Variants in MAPK10 observed in about 807,000 individuals in gnomAD.
MAPK10 encodes JNK3 alpha protein kinase.
Under a neutral mutation model 59.3 loss-of-function variants are expected in MAPK10, and 25 were observed. The ratio of observed to expected loss-of-function variants is 0.42; its 90% CI spans 0.31 to 0.59. The LOEUF is 0.59. MAPK10 is among the 20% of genes least tolerant of loss of function. The pLI, the probability that MAPK10 is intolerant of heterozygous loss-of-function variation, is 0.15. For missense variants in MAPK10, 351 were observed against 568.9 expected, an observed-to-expected ratio of 0.62 and a Z score of 3.90; for synonymous variants, 190 against 200.5, an observed-to-expected ratio of 0.95 and a Z score of 0.44.
chr4:86,511,899 A>T lies in MAPK10; in HGVS notation c.-263+82011T>A, dbSNP rs148542158. ...AGGAAGGAAAGAAGGAAGAAAGGAGAAGAATGAGGAGGAAGGAAAAAGAAG... is the reference window on the plus strand; with the variant it reads ...AGGAAGGAAAGAAGGAAGAAAGGAGTAGAATGAGGAGGAAGGAAAAAGAAG... On this transcript the variant is annotated intron_variant, in intron 1 of 4. Coordinates refer to the MAPK10 transcript ENST00000502302. 7.1e-3 allele frequency among the ~76,000 whole-genome samples: 1,074 copies of T among 151,698 alleles called. 12 individuals carry two copies. Among genetic ancestry groups the T allele is most frequent in the African/African-American group, 0.024 (996 of 41,362 alleles).
intron 9 of MAPK10, among the ~76,000 whole-genome samples, chr4:86,085,878 G>A (rs2051700964): frequency 6.6e-6 from 1 of 152,122 alleles, no homozygotes; most frequent in Non-Finnish European, 1.5e-5. Flanking sequence ...TAAAGAAAAT[G>A]TGGTACATTT....
At chr4:86,456,990 G>A (rs547868648), upstream of MAPK10, among the ~76,000 whole-genome samples, 2 of 152,228 alleles carry the variant, frequency 1.3e-5, no homozygotes, top group East Asian at 3.9e-4. Context: ...CAGGGATGCA[G>A]GGATGGTTTA....
intron 1 of MAPK10, among the ~76,000 whole-genome samples, chr4:86,515,147 A>G (rs1401219977): frequency 6.6e-6 from 1 of 152,210 alleles, no homozygotes; most frequent in East Asian, 1.9e-4. Context: ...ATGGTCTCCA[A>G]TTCCAACCAT....
intron 1 of MAPK10, among the ~76,000 whole-genome samples, chr4:86,593,241 TC>T (rs1221175488): frequency 6.6e-6 from 1 of 152,194 alleles, no homozygotes; most frequent in Non-Finnish European, 1.5e-5. Context: ...CAAATAAGCC[TC>T]AGATCTCTCC....
intron 1 of MAPK10, among the ~76,000 whole-genome samples, chr4:86,501,701 C>CACA (rs1554274242): frequency 2.7e-4 from 41 of 152,010 alleles, no homozygotes; most frequent in Admixed American, 1.1e-3. Context: ...CACACACACA[C>CACA]ACTACTGTGC....
At chr4:86,181,157 G>A (rs1005440683) in intron 3 of MAPK10, among the ~76,000 whole-genome samples, 1 of 151,874 alleles carries the variant, frequency 6.6e-6, no homozygotes, top group South Asian at 2.1e-4. Flanking sequence ...ATTTTTAAAT[G>A]GGATGGATAT....
intron 1 of MAPK10, among the ~76,000 whole-genome samples, chr4:86,467,220 T>A (rs920555377): frequency 2.6e-5 from 4 of 152,174 alleles, no homozygotes; most frequent in African/African-American, 9.7e-5. Flanking sequence ...CCAAACCAAA[T>A]CAGAATGGAG....
intron 1 of MAPK10, among the ~76,000 whole-genome samples, chr4:86,388,706 T>A (rs1014893397): frequency 1.3e-5 from 2 of 152,168 alleles, no homozygotes; most frequent in Non-Finnish European, 2.9e-5. Flanking sequence ...TCCAAATCAC[T>A]TTATGTAACC....
intron 1 of MAPK10, among the ~76,000 whole-genome samples, chr4:86,374,754 A>C (rs2148996161): frequency 6.6e-6 from 1 of 152,332 alleles, no homozygotes; most frequent in South Asian, 2.1e-4. Context: ...TAAGAGACAA[A>C]TTCTGAGTTT....
chr4:86,054,650 T>A (rs2044205419), intron 11 of MAPK10, among the ~76,000 whole-genome samples: 1 of 152,194 alleles, frequency 6.6e-6, no homozygotes, highest in Non-Finnish European at 1.5e-5. Flanking sequence ...CAGATTCATA[T>A]CCATTGTAGC....
rs560165249 is a variant in MAPK10 at position 86,371,847 on chromosome 4, G to A, written c.-121-17203C>T. Among the ~76,000 whole-genome samples, 74 of 152,250 alleles carry A rather than the reference G, an allele frequency of 4.9e-4. 2 individuals carry two copies. The highest frequency in any genetic ancestry group is 2.1e-3 in the Admixed American group (32 of 15,296). ...AAGAGAACATGCCATGAGGAACGGT[G>A]CATTCCAGCACAGATAATATGCTTT... On this transcript the variant is annotated intron_variant, in intron 1 of 13. Coordinates refer to the MAPK10 transcript ENST00000361569.
intron 1 of MAPK10, among the ~76,000 whole-genome samples, chr4:86,420,903 G>A (rs1467674705): frequency 2.0e-5 from 3 of 152,032 alleles, no homozygotes; most frequent in African/African-American, 7.2e-5. Context: ...CCAACAAGGG[G>A]AAACCCCATC....
At position 86,359,929 on chromosome 4, in the gene MAPK10, C is replaced by A. The variant is rs1030662206; in HGVS notation, c.-393G>T. ...AAAGGTAAGCATATAGCAAGCACCA[C>A]CCACCCCCATAAAAATAAAAAGTGA... On this transcript the variant is annotated 5_prime_UTR_variant, in exon 1 of 14. Coordinates refer to ENST00000641462, the MANE Select transcript of MAPK10 (RefSeq NM_138982.4). The A allele has an allele frequency of 2.0e-6, 2 of 985,476 alleles. No homozygotes were observed. The highest frequency in any genetic ancestry group is 3.5e-5 in the African/African-American group (2 of 57,152). The allele number at this position is 985,476 out of a possible 1,614,324, so 61.0% of individuals were successfully genotyped here. A position where few individuals can be genotyped will look rare whatever the true frequency, so the allele number is the denominator to read the frequency against.
intron 1 of MAPK10, among the ~76,000 whole-genome samples, chr4:86,512,222 C>G (rs184050773): frequency 6.6e-6 from 1 of 152,102 alleles, no homozygotes; most frequent in Non-Finnish European, 1.5e-5. Context: ...ACTTTTTCTT[C>G]TTACTTGATC....
At chr4:86,107,091 G>T in intron 5 of MAPK10, 132 bp downstream of exon 5, 1 of 648,458 alleles carries the variant, frequency 1.5e-6, no homozygotes. Context: ...GTAGCATATT[G>T]GCAGGATAAA....
At chr4:86,548,092 T>C (rs1759397298) in intron 1 of MAPK10, among the ~76,000 whole-genome samples, 2 of 152,150 alleles carry the variant, frequency 1.3e-5, no homozygotes. Context: ...CAATAAATCT[T>C]GCTGCTGCTC....
intron 1 of MAPK10, among the ~76,000 whole-genome samples, chr4:86,481,291 G>A (rs574938287): frequency 6.6e-6 from 1 of 152,124 alleles, no homozygotes; most frequent in African/African-American, 2.4e-5. Context: ...GAAAATCAGA[G>A]AGACCTTGCT....
At position 86,401,618 on chromosome 4, in the gene MAPK10, T is replaced by C. The variant is rs544361219; in HGVS notation, c.-121-46974A>G. ...TTACTTTGGCCACCTGGAAGCTTAATGTATGACTCAAATTCACTGCAGACA... is the reference window on the plus strand; with the variant it reads ...TTACTTTGGCCACCTGGAAGCTTAACGTATGACTCAAATTCACTGCAGACA... On this transcript the variant is annotated intron_variant, in intron 1 of 13. Coordinates refer to the MAPK10 transcript ENST00000361569. Among the ~76,000 whole-genome samples the C allele has an allele frequency of 2.6e-5, 4 of 152,328 alleles. No homozygotes were observed. In the East Asian group the frequency reaches 7.7e-4, roughly 29 times the overall value.
intron 2 of MAPK10, among the ~76,000 whole-genome samples, chr4:86,235,956 C>T (rs1199456794): frequency 1.3e-5 from 2 of 152,128 alleles, no homozygotes; most frequent in Non-Finnish European, 2.9e-5. Flanking sequence ...GGGCTAAAGT[C>T]AAGGGGTTGG....
Sources: gnomAD v4.1 joint callset for allele counts (sites outside exome capture counted in the v4.1 genomes callset) on GRCh38, gnomAD v4.1.1 for gene constraint, MANE v1.5 for transcripts, NCBI Gene and HGNC (gene_info 2026-07-23, HGNC 2026-07-21) for gene names.